The following PHLDB1 variants were observed in gnomAD, a reference collection of about 807,000 sequenced individuals.
PHLDB1 encodes the protein pleckstrin homology like domain family B member 1.
In PHLDB1, 65 loss-of-function variants were observed where a neutral mutation model predicts 139.3. The observed-to-expected ratio is 0.47, with a 90% confidence interval of 0.38 to 0.57. PHLDB1 has a LOEUF of 0.57. Among genes scored for constraint, PHLDB1 ranks in the 20% least tolerant of loss-of-function variants. The pLI is 0.00. For synonymous variants in PHLDB1, 679 were observed against 734.5 expected (o/e 0.92, Z 1.22); for missense variants, 1,624 against 1,839.7 (o/e 0.88, Z 2.14).
At chr11:118,634,855 G>T (rs1383924651) in intron 9 of PHLDB1, 3 of 309,408 alleles carry the variant, frequency 9.7e-6, no homozygotes, top group South Asian at 6.9e-5. Flanking sequence ...TGCCGGGCCG[G>T]AGTTGAGGAG....
intron 10 of PHLDB1, 63 bp downstream of exon 10, chr11:118,635,611 A>G (rs1263031147): frequency 2.2e-6 from 3 of 1,375,626 alleles, no homozygotes; most frequent in Non-Finnish European, 2.9e-6. Context: ...TTTGAATCCC[A>G]ATGACCTCAC....
Position 118,635,517 on chromosome 11 carries a change from C to G in PHLDB1, c.2504C>G (p.Ala835Gly). The change falls in exon 10 of 23, where the codon GCT becomes GGT. Residue 835 changes from alanine to glycine, a missense_variant. Ala to Gly is a moderately conservative substitution (Grantham distance 60, BLOSUM62 0). Transcript: ENST00000600882. ...LAGQGLLRSK[A>G]ELLRSIAKRK... ...GGCCAGGGGCTGCTCCGGAGCAAGG[C>G]TGAGCTGCTCCGCAGCATCGCCAAG... 1 of 1,593,904 alleles carries G rather than the reference C, an allele frequency of 6.3e-7. No homozygotes were observed. Among genetic ancestry groups the G allele is most frequent in the Non-Finnish European group, 8.5e-7 (1 of 1,171,148 alleles).
At chr11:118,638,347 T>C (rs1945983082) in intron 10 of PHLDB1, among the ~76,000 whole-genome samples, 1 of 152,236 alleles carries the variant, frequency 6.6e-6, no homozygotes, top group Non-Finnish European at 1.5e-5. Context: ...ACCTTACTTG[T>C]GGATTTTTAA....
chr11:118,644,117 C>G lies in PHLDB1; in HGVS notation c.3064C>G (p.Leu1022Val), dbSNP rs1447865848. 1 of 1,613,958 alleles carries G rather than the reference C, an allele frequency of 6.2e-7. No homozygotes were observed. Among genetic ancestry groups the G allele is most frequent in the Non-Finnish European group, 8.5e-7 (1 of 1,179,978 alleles). ...TGGCACGGGCAGCCTTCCTCGCAAC[C>G]TGGCAGCCACACTGCAGGACATCGA... ...QNGTGSLPRN[L>V]AATLQDIETK... is the part of the protein sequence containing the mutation. Residue 1022 changes from leucine (L) to valine (V), a missense_variant, in exon 15 of 23, where the codon CTG becomes GTG. By Grantham distance (32) the Leu-to-Val change is conservative. Transcript: ENST00000600882.
At position 118,632,302 on chromosome 11, in the gene PHLDB1, C is replaced by T. The variant is rs1944938857; in HGVS notation, c.2379+6C>T. On this transcript the variant is annotated splice_donor_region_variant and intron_variant, in intron 9 of 22. Transcript: ENST00000600882. This position sits in a 1 kb window ranked among gnomAD's most constrained non-coding sequence, Gnocchi z 5.9. The stretch of plus-strand genomic sequence containing the variant: ...TCCAGAAGGAGAGGGACAAGGTAAC[C>T]CACACCTGGCCCAGCTTAGTGCTGG... 1 of 1,612,172 alleles carries T rather than the reference C, an allele frequency of 6.2e-7. No individual in the cohort carries two copies. The highest frequency in any genetic ancestry group is 1.1e-5 in the South Asian group (1 of 91,006).
intron 10 of PHLDB1, among the ~76,000 whole-genome samples, chr11:118,638,428 A>G (rs1408544595): frequency 6.6e-6 from 1 of 152,258 alleles, no homozygotes; most frequent in Non-Finnish European, 1.5e-5. Flanking sequence ...AATTCAGATA[A>G]GCAAACAAAC....
chr11:118,608,903 C>G lies in PHLDB1; in HGVS notation c.-22+1204C>G, dbSNP rs1219678970. Among the ~76,000 whole-genome samples, 5 of 151,606 alleles carry G rather than the reference C, an allele frequency of 3.3e-5. No individual in the cohort carries two copies. The highest frequency in any genetic ancestry group is 7.4e-5 in the Non-Finnish European group (5 of 67,870). On this transcript the variant is annotated intron_variant, in intron 1 of 22. Transcript: ENST00000600882. This position sits in a 1 kb window ranked among gnomAD's most constrained non-coding sequence, Gnocchi z 6.7. ...TCACACATGCACCCCAGTCACACAG[C>G]CTACCTCACACACGCACCCCAGTCA...
At chr11:118,613,517 T>G in intron 1 of PHLDB1, 1 of 948,062 alleles carries the variant, frequency 1.1e-6, no homozygotes, top group Non-Finnish European at 1.3e-6. Context: ...AAACCCGGGT[T>G]CTGAGTAGCA....
At position 118,611,489 on chromosome 11, in the gene PHLDB1, T is replaced by C. The variant is rs1555083843; in HGVS notation, c.-21-2327T>C. Reference sequence around the variant, plus strand: ...TGCCCCACACGGCGATAGTGACCAATACTCCAATATGACAGATAAATAAAC... The same window carrying C: ...TGCCCCACACGGCGATAGTGACCAACACTCCAATATGACAGATAAATAAAC... On this transcript the variant is annotated intron_variant, in intron 1 of 22. Transcript: ENST00000600882. The surrounding 1 kb of genome is among the most constrained non-coding windows in gnomAD (Gnocchi z 4.7). 2.0e-5 allele frequency among the ~76,000 whole-genome samples: 3 copies of C among 152,134 alleles called. No individual in the cohort carries two copies. Among genetic ancestry groups the C allele is most frequent in the Admixed American group, 6.5e-5 (1 of 15,274 alleles).
chr11:118,645,523 G>A lies in PHLDB1; in HGVS notation c.3289G>A (p.Ala1097Thr). The part of the protein sequence containing the change: ...MHHSILHHLP[A>T]GRERGEEGEH... ...CCACTCTATCCTACACCACCTGCCT[G>A]CGGGGCGGGAGCGTGGGGAGGAGGG... The change falls in exon 16 of 23, where the codon GCG becomes ACG. Residue 1097 changes from alanine to threonine, a missense_variant. Coordinates refer to ENST00000600882, the MANE Select transcript of PHLDB1 (RefSeq NM_001144758.3). This position sits in a 1 kb window ranked among gnomAD's most constrained non-coding sequence, Gnocchi z 5.1. The A allele has an allele frequency of 1.2e-6, 2 of 1,613,040 alleles. No individual in the cohort carries two copies. Among genetic ancestry groups the A allele is most frequent in the Non-Finnish European group, 1.7e-6 (2 of 1,179,530 alleles).
chr11:118,617,861 C>A (rs1941968787), intron 4 of PHLDB1, among the ~76,000 whole-genome samples: 1 of 152,048 alleles, frequency 6.6e-6, no homozygotes, highest in Non-Finnish European at 1.5e-5. Flanking sequence ...AGAGCATCTT[C>A]TCTAAGATTT....
Position 118,632,081 on chromosome 11 carries a change from C to T in PHLDB1, c.2241+28C>T, listed in dbSNP as rs1555111612. On this transcript the variant is annotated intron_variant, in intron 8 of 22. Transcript: ENST00000600882. This position sits in a 1 kb window ranked among gnomAD's most constrained non-coding sequence, Gnocchi z 5.9. ...GAGCCGTGAAGTCCCTAGCTGGACTCTTCCCTAGGCCAACTGAAGGCCCCA... is the reference window on the plus strand; with the variant it reads ...GAGCCGTGAAGTCCCTAGCTGGACTTTTCCCTAGGCCAACTGAAGGCCCCA... 6.2e-7 allele frequency: 1 copy of T among 1,613,502 alleles called. No homozygotes were observed. The highest frequency in any genetic ancestry group is 8.5e-7 in the Non-Finnish European group (1 of 1,179,592).
intron 4 of PHLDB1, among the ~76,000 whole-genome samples, chr11:118,618,261 G>C (rs1345197653): frequency 6.6e-6 from 1 of 152,058 alleles, no homozygotes; most frequent in African/African-American, 2.4e-5. Context: ...AAGCTTGGCA[G>C]CCTGTGGAGG....
chr11:118,624,809 C>G, intron 4 of PHLDB1, 125 bp from the exon 5 acceptor site: 3 of 903,234 alleles, frequency 3.3e-6, no homozygotes, highest in Non-Finnish European at 5.3e-6. Flanking sequence ...GGGACTTCAC[C>G]ACATTGGCCA....
At chr11:118,635,922 G>T (rs1272572537) in intron 10 of PHLDB1, among the ~76,000 whole-genome samples, 1 of 152,218 alleles carries the variant, frequency 6.6e-6, no homozygotes, top group Non-Finnish European at 1.5e-5. Flanking sequence ...CACACAGAAA[G>T]ATTTGAGATC....
In PHLDB1 at chr11:118,650,791, T is replaced by G. The variant is rs1948231607; in HGVS notation, c.3874+244T>G. The stretch of plus-strand genomic sequence containing the variant: ...ATCTAGTAAGTTCTAGGCACTGTTC[T>G]AGGCTCTGGTGATGAGTAAGATGGC... On this transcript the variant is annotated intron_variant, in intron 20 of 22. Coordinates refer to ENST00000600882, the MANE Select transcript of PHLDB1 (RefSeq NM_001144758.3). The surrounding 1 kb of genome is among the most constrained non-coding windows in gnomAD (Gnocchi z 4.7). 8 of 533,278 alleles carry G rather than the reference T, an allele frequency of 1.5e-5. No individual in the cohort carries two copies. The highest frequency in any genetic ancestry group is 2.7e-5 in the Non-Finnish European group (8 of 296,026). The allele number at this position is 533,278 out of a possible 1,614,324, so 33.0% of individuals were successfully genotyped here.
In PHLDB1 at chr11:118,635,320, C is replaced by T. The variant is rs1945467171; in HGVS notation, c.2380-73C>T. On this transcript the variant is annotated intron_variant, in intron 9 of 22. Coordinates refer to ENST00000600882, the MANE Select transcript of PHLDB1 (RefSeq NM_001144758.3). The stretch of plus-strand genomic sequence containing the variant: ...GTCCAGCCCCATACAACGCATGCCC[C>T]TGTGGCCTGGTCTTCCAGGCCCAGA... 2.6e-5 allele frequency: 38 copies of T among 1,485,898 alleles called. No individual in the cohort carries two copies. The South Asian group carries it at 5.0e-4, about 19-fold the overall frequency. The allele number at this position is 1,485,898 out of a possible 1,614,324, so 92.0% of individuals were successfully genotyped here.
chr11:118,623,453 C>T (rs1407321837), intron 4 of PHLDB1, among the ~76,000 whole-genome samples: 4 of 152,238 alleles, frequency 2.6e-5, no homozygotes, highest in Non-Finnish European at 5.9e-5. Context: ...CTCCCACATG[C>T]CCTCCCCCTC....
Position 118,627,842 on chromosome 11 carries a change from T to G in PHLDB1, c.1019T>G (p.Leu340Trp). The G allele has an allele frequency of 6.2e-7, 1 of 1,607,458 alleles. No individual in the cohort carries two copies. The highest frequency in any genetic ancestry group is 1.1e-5 in the South Asian group (1 of 91,056). The change falls in exon 6 of 23, where the codon TTG becomes TGG. Residue 340 changes from leucine to tryptophan, a missense_variant. Physicochemically the swap from Leu to Trp is moderately conservative, Grantham distance 61. Coordinates refer to ENST00000600882, the MANE Select transcript of PHLDB1 (RefSeq NM_001144758.3). Reference sequence around the variant, plus strand: ...ACAGACAGCCCTGCAGCTACTGTCTTGGCGGAGGCCCGGAGAGCCACTGAG... The same window carrying G: ...ACAGACAGCCCTGCAGCTACTGTCTGGGCGGAGGCCCGGAGAGCCACTGAG... ...LLTDSPAATV[L>W]AEARRATESP...
Sources: allele counts gnomAD v4.1 joint callset (sites outside exome capture counted in the v4.1 genomes callset), GRCh38; gene constraint gnomAD v4.1.1; non-coding constraint Gnocchi (gnomAD v3.1); transcripts MANE v1.5; gene names NCBI Gene and HGNC (gene_info 2026-07-23, HGNC 2026-07-21).